OPCML: variants seen among roughly 807,000 people sequenced by gnomAD.
OPCML encodes the protein opioid-binding protein/cell adhesion molecule.
In OPCML, 13 loss-of-function variants were observed where a neutral mutation model predicts 37.8. That is an observed-to-expected ratio of 0.34 (90% CI 0.22 to 0.55). The LOEUF is 0.55. Ranked by LOEUF, OPCML falls within the 20% of genes least tolerant of loss-of-function variation. The pLI, the probability that OPCML is intolerant of heterozygous loss-of-function variation, is 0.91. For missense variants in OPCML, 341 were observed against 435.6 expected (o/e 0.78, Z 1.93); for synonymous variants, 176 against 168.8 (o/e 1.04, Z -0.33).
intron 4 of OPCML, among the ~76,000 whole-genome samples, chr11:132,516,349 C>CACTG (rs2096279713): frequency 6.6e-6 from 1 of 152,164 alleles, no homozygotes; most frequent in Admixed American, 6.5e-5. Context: ...ATTTCCCCTT[C>CACTG]ACTGTACAGA....
At chr11:132,591,603 G>A (rs952720884) in intron 3 of OPCML, among the ~76,000 whole-genome samples, 12 of 152,184 alleles carry the variant, frequency 7.9e-5, no homozygotes, top group Middle Eastern at 3.4e-3. Flanking sequence ...TTTTCATATC[G>A]CCTTGAACAA....
chr11:132,688,788 A>C lies in OPCML; in HGVS notation c.147-31469T>G. On this transcript the variant is annotated intron_variant, in intron 2 of 7. Coordinates refer to ENST00000524381, the MANE Select transcript of OPCML (RefSeq NM_001012393.5). ...GAAACCCCGTCTCTACTAAAAAAAAAAAATACAAAAAATTAGCCGGGCGCG... is the reference window on the plus strand; with the variant it reads ...GAAACCCCGTCTCTACTAAAAAAAACAAATACAAAAAATTAGCCGGGCGCG... Among the ~76,000 whole-genome samples, 2 of 96,646 alleles carry C rather than the reference A, an allele frequency of 2.1e-5. 1 individual carries two copies. The highest frequency in any genetic ancestry group is 4.2e-5 in the Non-Finnish European group (2 of 47,080). 63.4% of individuals were successfully genotyped at this position (96,646 alleles called of 152,430 possible).
intron 1 of OPCML, among the ~76,000 whole-genome samples, chr11:133,008,685 A>C (rs1947158605): frequency 6.6e-6 from 1 of 152,204 alleles, no homozygotes; most frequent in African/African-American, 2.4e-5. Flanking sequence ...GGCAACTTTG[A>C]AGGCCATTGC....
chr11:133,508,380 A>T (rs1043224858), intron 1 of OPCML, among the ~76,000 whole-genome samples: 1 of 152,208 alleles, frequency 6.6e-6, no homozygotes, highest in African/African-American at 2.4e-5. Context: ...GAACCACTGG[A>T]TGTCAATGTC....
chr11:133,080,618 G>A (rs922977450), intron 1 of OPCML, among the ~76,000 whole-genome samples: 5 of 151,666 alleles, frequency 3.3e-5, no homozygotes, highest in African/African-American at 9.7e-5. Context: ...CATTAAACAA[G>A]TTCCTCCCTG....
At chr11:133,065,283 A>T (rs1948423264) in intron 1 of OPCML, 1 of 152,222 alleles carries the variant, frequency 6.6e-6, no homozygotes, top group Admixed American at 6.5e-5. Context: ...GATGCCCACC[A>T]AGGGAACAAG....
At chr11:132,718,725 G>T (rs978582783) in intron 2 of OPCML, among the ~76,000 whole-genome samples, 3 of 152,130 alleles carry the variant, frequency 2.0e-5, no homozygotes, top group Admixed American at 2.0e-4. Flanking sequence ...AGCACACGCG[G>T]GCACACAAAC....
intron 1 of OPCML, among the ~76,000 whole-genome samples, chr11:133,012,883 A>AG (rs552378128): frequency 3.1e-4 from 47 of 151,888 alleles, no homozygotes; most frequent in Non-Finnish European, 5.9e-4. Flanking sequence ...AAAAAAAAAA[A>AG]AAAAGAAAAA....
At chr11:132,588,122 G>A (rs979123059) in intron 3 of OPCML, among the ~76,000 whole-genome samples, 1 of 152,106 alleles carries the variant, frequency 6.6e-6, no homozygotes, top group South Asian at 2.1e-4. Flanking sequence ...AGCGACAATT[G>A]ATTCTGATCA....
chr11:132,851,788 C>T (rs370125171), intron 2 of OPCML, among the ~76,000 whole-genome samples: 3 of 152,084 alleles, frequency 2.0e-5, no homozygotes, highest in Middle Eastern at 3.2e-3. Context: ...CAGTAACACC[C>T]AACTAGATCT....
chr11:133,324,772 T>G (rs570943362), intron 1 of OPCML, among the ~76,000 whole-genome samples: 124 of 152,332 alleles, frequency 8.1e-4, no homozygotes, highest in African/African-American at 2.8e-3. Flanking sequence ...CAATACTTTC[T>G]TGCCCACAGA....
Position 133,053,777 on chromosome 11 carries a change from T to C in OPCML, c.62-110767A>G, listed in dbSNP as rs148669362. Among the ~76,000 whole-genome samples, 3 of 152,304 alleles carry C rather than the reference T, an allele frequency of 2.0e-5. No individual in the cohort carries two copies. In the East Asian group the frequency reaches 5.8e-4, roughly 29 times the overall value. On this transcript the variant is annotated intron_variant, in intron 1 of 7. Coordinates refer to ENST00000524381, the MANE Select transcript of OPCML (RefSeq NM_001012393.5). ...TCCCTGCCTCATCTCACTGAGTTCGTGCCCAGGAAAACCACTCATTCCTAA... is the reference window on the plus strand; with the variant it reads ...TCCCTGCCTCATCTCACTGAGTTCGCGCCCAGGAAAACCACTCATTCCTAA...
At position 133,006,039 on chromosome 11, in the gene OPCML, G is replaced by C. The variant is rs1947103794; in HGVS notation, c.62-63029C>G. ...GAGCGGAGTGTGGCCTTCGTAGGGA[G>C]AGCCATCCTAAGGGCGACCGGGAAT... On this transcript the variant is annotated intron_variant, in intron 1 of 7. Coordinates refer to ENST00000524381, the MANE Select transcript of OPCML (RefSeq NM_001012393.5). The C allele has an allele frequency of 6.1e-6, 6 of 985,222 alleles. No homozygotes were observed. The South Asian group carries it at 1.9e-4, about 31-fold the overall frequency. 61.0% of individuals were successfully genotyped at this position (985,222 alleles called of 1,614,324 possible).
chr11:133,162,971 G>A (rs1364963556), intron 1 of OPCML, among the ~76,000 whole-genome samples: 1 of 152,210 alleles, frequency 6.6e-6, no homozygotes, highest in Non-Finnish European at 1.5e-5. Context: ...TCTGCTTACA[G>A]TGTATGAAAT....
At chr11:132,435,025 C>A (rs899964516) in intron 7 of OPCML, 2 of 439,932 alleles carry the variant, frequency 4.5e-6, no homozygotes, top group Non-Finnish European at 8.8e-6. Context: ...GTAAACCAAG[C>A]CCCTTGAGGT....
intron 1 of OPCML, among the ~76,000 whole-genome samples, chr11:133,002,352 C>A (rs1947020595): frequency 6.6e-6 from 1 of 152,180 alleles, no homozygotes; most frequent in Non-Finnish European, 1.5e-5. Context: ...ACAGAAAGCA[C>A]CTTGCTCAGT....
At chr11:133,392,490 G>T (rs1268265732) in intron 1 of OPCML, among the ~76,000 whole-genome samples, 2 of 152,218 alleles carry the variant, frequency 1.3e-5, no homozygotes, top group African/African-American at 4.8e-5. Flanking sequence ...CTAAGAAGAA[G>T]GCTGGATCCT....
At chr11:132,663,945 G>A (rs1436587494) in intron 2 of OPCML, among the ~76,000 whole-genome samples, 2 of 152,092 alleles carry the variant, frequency 1.3e-5, no homozygotes, top group South Asian at 2.1e-4. Flanking sequence ...CCATTCTCCC[G>A]CCTCAGCTTC....
intron 1 of OPCML, among the ~76,000 whole-genome samples, chr11:132,992,943 G>GC (rs1946808401): frequency 2.0e-5 from 3 of 152,120 alleles, no homozygotes; most frequent in African/African-American, 7.2e-5. Context: ...AATCACAGGT[G>GC]CCCCCACTCT....
Sources: allele counts gnomAD v4.1 joint callset (sites outside exome capture counted in the v4.1 genomes callset), GRCh38; gene constraint gnomAD v4.1.1; transcripts MANE v1.5; gene names NCBI Gene and HGNC (gene_info 2026-07-23, HGNC 2026-07-21).